The following LAYN variants were observed in gnomAD, a reference collection of about 807,000 sequenced individuals.
LAYN encodes layilin.
A neutral mutation model predicts 43.6 loss-of-function variants in LAYN; 38 were observed. That is an observed-to-expected ratio of 0.87 (90% confidence interval 0.67 to 1.14). The LOEUF (loss-of-function observed/expected upper bound fraction) is 1.14. Among genes scored for constraint, LAYN ranks in the 50% most tolerant of loss-of-function variants. LAYN has a pLI of 0.00. For missense variants in LAYN, 479 were observed against 463.8 expected (o/e 1.03, Z -0.30); for synonymous variants, 168 against 172.9 (o/e 0.97, Z 0.22).
intron 6 of LAYN, 124 bp from the exon 7 acceptor site, chr11:111,559,971 A>T: frequency 8.9e-7 from 1 of 1,128,914 alleles, no homozygotes; most frequent in Non-Finnish European, 1.3e-6. Context: ...CCTGTAAGTT[A>T]CATAGACGAG....
intron 3 of LAYN, among the ~76,000 whole-genome samples, chr11:111,552,226 T>A (rs1250800897): frequency 1.3e-5 from 2 of 152,198 alleles, no homozygotes; most frequent in Non-Finnish European, 2.9e-5. Flanking sequence ...AAAAAATAAC[T>A]TCCTTTGGAA....
upstream of LAYN, chr11:111,540,701 G>C: frequency 1.3e-6 from 1 of 748,178 alleles, no homozygotes; most frequent in Non-Finnish European, 2.0e-6. Context: ...CTGACTCCGC[G>C]CCCTCCCCCC....
intron 1 of LAYN, chr11:111,541,321 C>G (rs1169003533): frequency 1.6e-6 from 1 of 606,108 alleles, no homozygotes; most frequent in East Asian, 2.8e-5. Flanking sequence ...CAGCTGGCCC[C>G]CGCCTACCGC....
intron 2 of LAYN, among the ~76,000 whole-genome samples, 197 bp downstream of exon 2, chr11:111,544,417 C>G (rs1867610766): frequency 6.6e-6 from 1 of 152,180 alleles, no homozygotes; most frequent in Non-Finnish European, 1.5e-5. Flanking sequence ...CAACTGATGT[C>G]CAAGGAACTC....
At chr11:111,550,216 A>G (rs529880554) in intron 3 of LAYN, among the ~76,000 whole-genome samples, 1 of 152,362 alleles carries the variant, frequency 6.6e-6, no homozygotes, top group South Asian at 2.1e-4. Context: ...ACATATGTAA[A>G]TGATAAAGTA....
chr11:111,554,448 T>G (rs1867798904), intron 3 of LAYN, 113 bp from the exon 4 acceptor site: 3 of 826,432 alleles, frequency 3.6e-6, no homozygotes, highest in Non-Finnish European at 6.0e-6. Context: ...CAAATAAAGT[T>G]TATCGGAGGA....
chr11:111,549,347 T>C (rs1185237314), intron 2 of LAYN, among the ~76,000 whole-genome samples: 2 of 152,238 alleles, frequency 1.3e-5, no homozygotes, highest in African/African-American at 4.8e-5. Flanking sequence ...TGGCTGCTTT[T>C]TCTCATAATT....
intron 1 of LAYN, among the ~76,000 whole-genome samples, 168 bp downstream of exon 1, chr11:111,541,096 G>A (rs1400581616): frequency 6.6e-6 from 1 of 152,256 alleles, no homozygotes; most frequent in African/African-American, 2.4e-5. Flanking sequence ...CAGTCGCACG[G>A]CGTCTGAGAC....
At position 111,549,614 on chromosome 11, in the gene LAYN, A is replaced by T; in HGVS notation, c.384-4A>T. 6.5e-7 allele frequency: 1 copy of T among 1,538,988 alleles called. No individual in the cohort carries two copies. The highest frequency in any genetic ancestry group is 8.7e-7 in the Non-Finnish European group (1 of 1,150,638). ...TGCCTCTACTGCTGATCCCTTCCCTACAGGAACTGGTATGTGGATGAGCCA... is the reference window on the plus strand; with the variant it reads ...TGCCTCTACTGCTGATCCCTTCCCTTCAGGAACTGGTATGTGGATGAGCCA... On this transcript the variant is annotated splice_polypyrimidine_tract_variant and splice_region_variant and intron_variant, in intron 2 of 6. Coordinates refer to ENST00000375614, the MANE Select transcript of LAYN (RefSeq NM_178834.5).
intron 3 of LAYN, among the ~76,000 whole-genome samples, chr11:111,552,517 T>A (rs971620747): frequency 6.6e-6 from 1 of 152,138 alleles, no homozygotes; most frequent in African/African-American, 2.4e-5. Flanking sequence ...TCATGTAGAG[T>A]AGGCAGCATG....
At chr11:111,542,351 A>T (rs1191924445) in intron 1 of LAYN, among the ~76,000 whole-genome samples, 1 of 152,242 alleles carries the variant, frequency 6.6e-6, no homozygotes, top group Non-Finnish European at 1.5e-5. Flanking sequence ...CCAAATAATG[A>T]CAGGAAAAGG....
intron 3 of LAYN, among the ~76,000 whole-genome samples, chr11:111,554,332 C>T (rs1320377478): frequency 1.3e-5 from 2 of 151,456 alleles, no homozygotes; most frequent in Non-Finnish European, 2.9e-5. Context: ...TTTTTAAATA[C>T]TTTTTTAAAA....
chr11:111,559,599 C>T (rs1011495657), intron 6 of LAYN, among the ~76,000 whole-genome samples: 3 of 152,058 alleles, frequency 2.0e-5, no homozygotes, highest in Non-Finnish European at 4.4e-5. Context: ...GCTGGGACTG[C>T]AGGTGTGCAC....
intron 6 of LAYN, among the ~76,000 whole-genome samples, chr11:111,558,547 A>C (rs1001457908): frequency 6.6e-6 from 1 of 152,034 alleles, no homozygotes; most frequent in African/African-American, 2.4e-5. Flanking sequence ...AATTTAGTTC[A>C]AAAAATTACA....
At position 111,560,228 on chromosome 11, in the gene LAYN, C is replaced by T. The variant is rs573383457; in HGVS notation, c.895C>T (p.Arg299Trp). The T allele has an allele frequency of 1.9e-5, 31 of 1,614,192 alleles. No individual in the cohort carries two copies. In the African/African-American group the frequency reaches 2.9e-4, roughly 15 times the overall value. The change falls in exon 7 of 7, where the codon CGG becomes TGG. Residue 299 changes from arginine (R) to tryptophan (W), a missense_variant. By Grantham distance (101) the Arg-to-Trp change is moderately radical (BLOSUM62 -3). Transcript: ENST00000375614. The stretch of plus-strand genomic sequence containing the variant: ...AAGCGAAGCTGACTTAGCTGAGACC[C>T]GGCCAGACCTGAAGAATATTTCATT... Reference protein sequence around the residue: ...KQSEADLAETRPDLKNISFRV... With the variant: ...KQSEADLAETWPDLKNISFRV...
At chr11:111,541,727 T>C (rs1039017199) in intron 1 of LAYN, 44 of 748,162 alleles carry the variant, frequency 5.9e-5, no homozygotes, top group East Asian at 2.4e-4. Flanking sequence ...TCCTCTACTC[T>C]GGCATCCTGG....
intron 6 of LAYN, among the ~76,000 whole-genome samples, chr11:111,559,598 G>T (rs1175140701): frequency 1.3e-5 from 2 of 151,826 alleles, no homozygotes; most frequent in Non-Finnish European, 2.9e-5. Context: ...AGCTGGGACT[G>T]CAGGTGTGCA....
chr11:111,544,196 C>G lies in LAYN; in HGVS notation c.359C>G (p.Thr120Ser), dbSNP rs376097260. The change falls in exon 2 of 7, where the codon ACT (threonine) becomes AGT (serine). Residue 120 changes from threonine to serine, a missense_variant. Coordinates refer to ENST00000375614, the MANE Select transcript of LAYN (RefSeq NM_178834.5). ...STACQDLYAW[T>S]DGSISQFRNW... Reference sequence around the variant, plus strand: ...GCCTGCCAGGACCTTTATGCTTGGACTGATGGCAGCATATCACAATTTAGG... The same window carrying G: ...GCCTGCCAGGACCTTTATGCTTGGAGTGATGGCAGCATATCACAATTTAGG... 46 of 1,613,552 alleles carry G rather than the reference C, an allele frequency of 2.9e-5. No individual in the cohort carries two copies. In the African/African-American group the frequency reaches 5.5e-4, roughly 19 times the overall value.
At chr11:111,552,390 G>A (rs964633162) in intron 3 of LAYN, among the ~76,000 whole-genome samples, 21 of 152,152 alleles carry the variant, frequency 1.4e-4, no homozygotes, top group Non-Finnish European at 2.9e-4. Flanking sequence ...TTAACCACTT[G>A]ATGGGCTGGG....
Sources: allele counts gnomAD v4.1 joint callset (sites outside exome capture counted in the v4.1 genomes callset), GRCh38; gene constraint gnomAD v4.1.1; transcripts MANE v1.5; gene names NCBI Gene and HGNC (gene_info 2026-07-23, HGNC 2026-07-21).